The following NAPRT variants were observed in gnomAD, a reference collection of about 807,000 sequenced individuals.
The protein encoded by NAPRT is FHA-HIT-interacting protein.
A neutral mutation model predicts 60.7 loss-of-function variants in NAPRT; 66 were observed. The observed-to-expected ratio is 1.09, with a 90% CI of 0.89 to 1.33. The LOEUF is 1.33. Ranked by LOEUF, NAPRT falls within the 40% of genes most tolerant of loss-of-function variation. The probability of loss-of-function intolerance (pLI) is 0.00; values close to 1 mark genes in which losing one functional copy is unlikely to be tolerated. For missense variants in NAPRT, 818 were observed against 731.5 expected, an observed-to-expected ratio of 1.12 and a Z score of -1.36; for synonymous variants, 405 against 335.7, an observed-to-expected ratio of 1.21 and a Z score of -2.26.
Position 143,577,687 on chromosome 8 carries a change from G to T in NAPRT, c.407C>A (p.Thr136Lys). The T allele has an allele frequency of 6.5e-7, 1 of 1,541,710 alleles. No homozygotes were observed. The change falls in exon 3 of 13, where the codon ACA (threonine) becomes AAA (lysine). Residue 136 changes from threonine (T) to lysine (K), a missense_variant. Transcript: ENST00000449291. The part of the protein sequence containing the change: ...GPLLVVQLLE[T>K]PLLCLVSYAS... ...GTAGCTGACCAGGCAGAGCAGCGGT[G>T]TCTCCAGCAGCTGCACCACCAGGAG...
Position 143,577,160 on chromosome 8 carries a change from T to G in NAPRT, c.586A>C (p.Asn196His), listed in dbSNP as rs142312560. Residue 196 changes from asparagine (N) to histidine (H), a missense_variant, in exon 5 of 13, where the codon AAC (asparagine) becomes CAC (histidine). Transcript: ENST00000449291. Reference protein sequence around the residue: ...SYLGGFDSSSNVLAGQLRGVP... With the variant: ...SYLGGFDSSSHVLAGQLRGVP... ...CCTCGCAGCTGGCCCGCTAGCACGT[T>G]GCTGCTGCTGTCGAAGCCTGGGGAG... 5 of 1,612,226 alleles carry G rather than the reference T, an allele frequency of 3.1e-6. No individual in the cohort carries two copies. The African/African-American group carries it at 6.7e-5, about 22-fold the overall frequency.
downstream of NAPRT, among the ~76,000 whole-genome samples, chr8:143,573,188 C>T (rs553941202): frequency 3.9e-5 from 6 of 152,004 alleles, no homozygotes; most frequent in Non-Finnish European, 5.9e-5. Flanking sequence ...AGGGGCTGGC[C>T]CCGCCCCCTG....
intron 7 of NAPRT, 29 bp downstream of exon 7, chr8:143,576,403 C>T: frequency 6.3e-7 from 1 of 1,582,046 alleles, no homozygotes; most frequent in Non-Finnish European, 8.6e-7. Flanking sequence ...GATCTCCCAC[C>T]AGGCACACCT....
chr8:143,577,819 G>T lies in NAPRT; in HGVS notation c.351C>A (p.Pro117=). The change falls in exon 2 of 13, where the codon CCC becomes CCA. Residue 117 remains proline, a synonymous_variant. Transcript: ENST00000449291. The part of the protein sequence containing the change: ...RALPEGSLAF[P]GVPLLQVSGP... Reference sequence around the variant, plus strand: ...CCGCCCGCTTACCCCTACTCACTCCGGGGAAGGCGAGGGAGCCCTCGGGCA... The same window carrying T: ...CCGCCCGCTTACCCCTACTCACTCCTGGGAAGGCGAGGGAGCCCTCGGGCA... The T allele has an allele frequency of 6.2e-7, 1 of 1,606,964 alleles. No individual in the cohort carries two copies.
chr8:143,577,851 G>A lies in NAPRT; in HGVS notation c.319C>T (p.Arg107Ter), dbSNP rs142636696. 140 of 1,611,648 alleles carry A rather than the reference G, an allele frequency of 8.7e-5. No homozygotes were observed. Among genetic ancestry groups the A allele is most frequent in the Non-Finnish European group, 1.1e-4 (124 of 1,179,592 alleles). Residue 107 changes from arginine to a stop codon, truncating the protein, a stop_gained, in exon 2 of 13, where the codon CGA becomes TGA. Coordinates refer to ENST00000449291, the MANE Select transcript of NAPRT (RefSeq NM_145201.6). LOFTEE classifies it high-confidence loss of function. ...GCGAGGGAGCCCTCGGGCAGGGCTC[G>A]CACCGTCACCTCGGAGCAGTCGAGG... Reference protein sequence around the residue: ...RALDCSEVTVRALPEGSLAFP... With the variant: ...RALDCSEVTV
In NAPRT at chr8:143,578,176, C is replaced by T; in HGVS notation, c.143G>A (p.Cys48Tyr). ...CAAGGCGAAGGCGCCGCCGAACGGG[C>T]AGCGGCGGAAGAAGAGCTCGAACTC... ...AAEFELFFRR[C>Y]PFGGAFALAA... Residue 48 changes from cysteine to tyrosine, a missense_variant, in exon 1 of 13, where the codon TGC (cysteine) becomes TAC (tyrosine). Physicochemically the swap from Cys to Tyr is radical, Grantham distance 194. Transcript: ENST00000449291. 2 of 1,516,568 alleles carry T rather than the reference C, an allele frequency of 1.3e-6. No individual in the cohort carries two copies. The highest frequency in any genetic ancestry group is 2.2e-5 in the Admixed American group (1 of 46,416). The allele number at this position is 1,516,568 out of a possible 1,614,324, so 93.9% of individuals were successfully genotyped here.
Position 143,578,163 on chromosome 8 carries a change from G to A in NAPRT, c.156C>T (p.Gly52=), listed in dbSNP as rs543075433. 9 of 1,517,702 alleles carry A rather than the reference G, an allele frequency of 5.9e-6. No individual in the cohort carries two copies. Among genetic ancestry groups the A allele is most frequent in the East Asian group, 5.2e-5 (2 of 38,584 alleles). 94.0% of individuals were successfully genotyped at this position (1,517,702 alleles called of 1,614,324 possible). A position where few individuals can be genotyped will look rare whatever the true frequency, so the allele number is the denominator to read the frequency against. Residue 52 remains glycine (G), a synonymous_variant, in exon 1 of 13, where the codon GGC becomes GGT. Transcript: ENST00000449291. The part of the protein sequence containing the change: ...ELFFRRCPFG[G]AFALAAGLRD... ...GCAAGCCGGCGGCCAAGGCGAAGGC[G>A]CCGCCGAACGGGCAGCGGCGGAAGA... is the stretch of plus-strand genomic sequence containing the variant.
At position 143,575,099 on chromosome 8, in the gene NAPRT, G is replaced by C. The variant is rs2290417; in HGVS notation, c.1447-6C>G. Reference sequence around the variant, plus strand: ...GATGGGAGCGGCTCACACAGCTGCAGGGAGGAGGTAAGGAAAGAGAAGCTT... The same window carrying C: ...GATGGGAGCGGCTCACACAGCTGCACGGAGGAGGTAAGGAAAGAGAAGCTT... On this transcript the variant is annotated splice_polypyrimidine_tract_variant and splice_region_variant and intron_variant, in intron 11 of 12. Transcript: ENST00000449291. 0.71 allele frequency: 1,079,712 copies of C among 1,527,028 alleles called. 383,794 individuals carry two copies. The highest frequency in any genetic ancestry group is 0.73 in the Non-Finnish European group (823,511 of 1,132,618). 94.6% of individuals were successfully genotyped at this position (1,527,028 alleles called of 1,614,324 possible).
chr8:143,577,883 A>G lies in NAPRT; in HGVS notation c.287T>C (p.Leu96Pro), dbSNP rs1824607161. 2 of 1,612,164 alleles carry G rather than the reference A, an allele frequency of 1.2e-6. No homozygotes were observed. Among genetic ancestry groups the G allele is most frequent in the African/African-American group, 1.3e-5 (1 of 74,888 alleles). ...PDTDPAFFEH[L>P]RALDCSEVTV... is the part of the protein sequence containing the mutation. ...CACCTCGGAGCAGTCGAGGGCCCGA[A>G]GGTGCTCGAAGAACGCAGGATCCGT... Residue 96 changes from leucine (L) to proline (P), a missense_variant, in exon 2 of 13, where the codon CTT becomes CCT. Physicochemically the swap from Leu to Pro is moderately conservative, Grantham distance 98 (BLOSUM62 -3). Transcript: ENST00000449291.
At position 143,575,715 on chromosome 8, in the gene NAPRT, G is replaced by A. The variant is rs1257901267; in HGVS notation, c.1108-13C>T. On this transcript the variant is annotated splice_polypyrimidine_tract_variant and intron_variant, in intron 8 of 12. Transcript: ENST00000449291. ...TCACCTCACTGCCCTGGGTGGGGAA[G>A]GGGGTGGCCGTGAGCCCAGCTGCCC... The A allele has an allele frequency of 1.3e-6, 2 of 1,556,576 alleles. No homozygotes were observed. Among genetic ancestry groups the A allele is most frequent in the East Asian group, 2.3e-5 (1 of 42,784 alleles).
At position 143,576,080 on chromosome 8, in the gene NAPRT, C is replaced by G; in HGVS notation, c.1105G>C (p.Glu369Gln). 6.3e-7 allele frequency: 1 copy of G among 1,592,726 alleles called. No homozygotes were observed. Among genetic ancestry groups the G allele is most frequent in the Non-Finnish European group, 8.6e-7 (1 of 1,166,604 alleles). Residue 369 changes from glutamate (E) to glutamine (Q), a missense_variant and splice_region_variant, in exon 8 of 13, where the codon GAG (glutamate) becomes CAG (glutamine). Physicochemically the swap from Glu to Gln is conservative, Grantham distance 29. Coordinates refer to ENST00000449291, the MANE Select transcript of NAPRT (RefSeq NM_145201.6). ...DEEALARLAQ[E>Q]GSEVNVIGIG... ...GCCTACCCACTCATCCACCCCACCT[C>G]CTGGGCCAGTCGGGCCAGCGCCTCC...
chr8:143,577,388 G>A lies in NAPRT; in HGVS notation c.449C>T (p.Thr150Ile). The change falls in exon 4 of 13, where the codon ACC becomes ATC. Residue 150 changes from threonine (T) to isoleucine (I), a missense_variant. Thr to Ile is a moderately conservative substitution (Grantham distance 89, BLOSUM62 -1). Coordinates refer to ENST00000449291, the MANE Select transcript of NAPRT (RefSeq NM_145201.6). ...CLVSYASLVA[T>I]NAARLRLIAG... ...GATCAAGCGAAGCCGCGCTGCGTTG[G>A]TGGCCACCAGGCTGTGGGGAGCCAA... 2 of 1,607,522 alleles carry A rather than the reference G, an allele frequency of 1.2e-6. No homozygotes were observed. The highest frequency in any genetic ancestry group is 1.7e-6 in the Non-Finnish European group (2 of 1,178,010).
At chr8:143,574,646 C>T (rs576873168), downstream of NAPRT, 31 of 702,908 alleles carry the variant, frequency 4.4e-5, no homozygotes, top group South Asian at 3.8e-4. Context: ...TCTCCCACGC[C>T]GGCAGGGCCT....
intron 3 of NAPRT, 80 bp downstream of exon 3, chr8:143,577,577 G>A (rs1824565925): frequency 2.0e-6 from 3 of 1,505,138 alleles, no homozygotes; most frequent in Admixed American, 4.0e-5. Context: ...AGCCAGCCCC[G>A]CCGCCACAGT....
intron 6 of NAPRT, 24 bp downstream of exon 6, chr8:143,576,622 C>A: frequency 6.2e-7 from 1 of 1,604,966 alleles, no homozygotes; most frequent in Non-Finnish European, 8.5e-7. Flanking sequence ...CTGCTGAGCC[C>A]ACCCCTAAAG....
chr8:143,576,324 T>C, intron 7 of NAPRT, 108 bp downstream of exon 7: 3 of 1,468,132 alleles, frequency 2.0e-6, no homozygotes, highest in Non-Finnish European at 2.8e-6. Flanking sequence ...TGCCACGGCC[T>C]GCAGTATCAC....
Position 143,577,253 on chromosome 8 carries a change from C to G in NAPRT, c.568+16G>C, listed in dbSNP as rs996824197. The G allele has an allele frequency of 3.7e-6, 6 of 1,607,718 alleles. No homozygotes were observed. Among genetic ancestry groups the G allele is most frequent in the East Asian group, 2.2e-5 (1 of 44,620 alleles). Reference sequence around the variant, plus strand: ...CTCCTTCCCGGCCCTTGCCTTGCCCCGCACCAGACACTCACCGCCCAGGTA... The same window carrying G: ...CTCCTTCCCGGCCCTTGCCTTGCCCGGCACCAGACACTCACCGCCCAGGTA... On this transcript the variant is annotated intron_variant, in intron 4 of 12. Transcript: ENST00000449291.
At position 143,577,845 on chromosome 8, in the gene NAPRT, G is replaced by A. The variant is rs775330236; in HGVS notation, c.325C>T (p.Leu109=). ...GGGAAGGCGAGGGAGCCCTCGGGCA[G>A]GGCTCGCACCGTCACCTCGGAGCAG... ...LDCSEVTVRA[L]PEGSLAFPGV... is the part of the protein sequence containing the mutation. Residue 109 remains leucine, a synonymous_variant, in exon 2 of 13, where the codon CTG becomes TTG. Coordinates refer to ENST00000449291, the MANE Select transcript of NAPRT (RefSeq NM_145201.6). 35 of 1,611,350 alleles carry A rather than the reference G, an allele frequency of 2.2e-5. No individual in the cohort carries two copies. Among genetic ancestry groups the A allele is most frequent in the Middle Eastern group, 1.6e-4 (1 of 6,082 alleles).
At chr8:143,576,926 C>A (rs941605470) in intron 5 of NAPRT, 84 bp from the exon 6 acceptor site, 2 of 1,504,810 alleles carry the variant, frequency 1.3e-6, no homozygotes, top group African/African-American at 2.8e-5. Context: ...AGTTTGAGAG[C>A]AAAGGTAATG....
Sources: gnomAD v4.1 joint callset for allele counts (sites outside exome capture counted in the v4.1 genomes callset) on GRCh38, gnomAD v4.1.1 for gene constraint, MANE v1.5 for transcripts, NCBI Gene and HGNC (gene_info 2026-07-23, HGNC 2026-07-21) for gene names.